MME: variants seen among roughly 807,000 people sequenced by gnomAD.
MME encodes membrane metalloendopeptidase, also known as neprilysin.
A neutral mutation model predicts 113.2 loss-of-function variants in MME; 98 were observed. That is an observed-to-expected ratio of 0.87 (90% CI 0.74 to 1.02). The LOEUF (loss-of-function observed/expected upper bound fraction) is 1.02. Ranked by LOEUF, MME falls within the 50% of genes least tolerant of loss-of-function variation. The probability of loss-of-function intolerance (pLI) is 0.00; values close to 1 mark genes in which losing one functional copy is unlikely to be tolerated. For synonymous variants in MME, 292 were observed against 300.6 expected (o/e 0.97, Z 0.30); for missense variants, 836 against 896.0 (o/e 0.93, Z 0.86).
chr3:155,032,113 A>T (rs541356494), intron 1 of MME, among the ~76,000 whole-genome samples: 3 of 152,184 alleles, frequency 2.0e-5, no homozygotes, highest in South Asian at 2.1e-4. Context: ...ATTATACATA[A>T]ATCTCACTGT....
chr3:155,123,834 C>G lies in MME; in HGVS notation c.720+5023C>G, dbSNP rs1255894455. Reference sequence around the variant, plus strand: ...CCTTTGAGGGTAACCCGACCTTTCTCTCTAGCTGCCCTTAACATTTTTTCC... The same window carrying G: ...CCTTTGAGGGTAACCCGACCTTTCTGTCTAGCTGCCCTTAACATTTTTTCC... On this transcript the variant is annotated intron_variant, in intron 8 of 22. Coordinates refer to ENST00000360490, the MANE Select transcript of MME (RefSeq NM_007289.4). Among the ~76,000 whole-genome samples, 228 of 77,612 alleles carry G rather than the reference C, an allele frequency of 2.9e-3. 21 individuals are homozygous for G. Among genetic ancestry groups the G allele is most frequent in the African/African-American group, 9.9e-3 (216 of 21,886 alleles). 50.9% of individuals were successfully genotyped at this position (77,612 alleles called of 152,430 possible). A position where few individuals can be genotyped will look rare whatever the true frequency, so the allele number is the denominator to read the frequency against.
At chr3:155,057,018 T>A (rs1713952929) in intron 1 of MME, among the ~76,000 whole-genome samples, 1 of 152,134 alleles carries the variant, frequency 6.6e-6, no homozygotes, top group South Asian at 2.1e-4. Context: ...GGCATTACCA[T>A]TCAGGACATA....
At chr3:155,179,800 C>T (rs1712901100) in intron 22 of MME, among the ~76,000 whole-genome samples, 1 of 152,136 alleles carries the variant, frequency 6.6e-6, no homozygotes. Context: ...GTTATTCAAG[C>T]TGAATCCAGC....
At chr3:155,137,385 G>A (rs1720713576) in intron 8 of MME, among the ~76,000 whole-genome samples, 1 of 152,142 alleles carries the variant, frequency 6.6e-6, no homozygotes, top group Non-Finnish European at 1.5e-5. Flanking sequence ...TTGAGAAAAT[G>A]ACTATGAAAA....
chr3:155,053,924 A>C (rs1407568793), intron 1 of MME, among the ~76,000 whole-genome samples: 1 of 152,190 alleles, frequency 6.6e-6, no homozygotes, highest in Non-Finnish European at 1.5e-5. Flanking sequence ...CAATTTTTGC[A>C]CTTGCTTCAA....
rs1246280068 is a variant in MME, at chr3:155,063,245, A to AT, written c.-10-20913_-10-20912insT. On this transcript the variant is annotated intron_variant, in intron 1 of 22. Coordinates refer to the MME transcript ENST00000492661. ...ATATGTATATTATTATATATTATAT[A>AT]ATAATATACATATAATGTATATTAT... 5.8e-4 allele frequency among the ~76,000 whole-genome samples: 68 copies of AT among 117,348 alleles called. 2 individuals are homozygous for AT. Among genetic ancestry groups the AT allele is most frequent in the East Asian group, 2.3e-3 (10 of 4,326 alleles). The allele number at this position is 117,348 out of a possible 152,430, so 77.0% of individuals were successfully genotyped here. A position where few individuals can be genotyped will look rare whatever the true frequency, so the allele number is the denominator to read the frequency against.
At chr3:155,108,118 A>T (rs1219441175) in intron 3 of MME, among the ~76,000 whole-genome samples, 1 of 152,208 alleles carries the variant, frequency 6.6e-6, no homozygotes, top group Non-Finnish European at 1.5e-5. Flanking sequence ...AGCCCACAGG[A>T]ACCTAACCTT....
Position 155,172,179 on chromosome 3 carries a change from T to A in MME, c.2043T>A (p.Asn681Lys). 1 of 1,611,578 alleles carries A rather than the reference T, an allele frequency of 6.2e-7. No homozygotes were observed. Among genetic ancestry groups the A allele is most frequent in the African/African-American group, 1.3e-5 (1 of 74,950 alleles). Residue 681 changes from asparagine to lysine, a missense_variant, in exon 21 of 23, where the codon AAT (asparagine) becomes AAA (lysine). Physicochemically the swap from Asn to Lys is moderately conservative, Grantham distance 94. Coordinates refer to ENST00000360490, the MANE Select transcript of MME (RefSeq NM_007289.4). ...EEKLLPGLDL[N>K]HKQLFFLNFA... ...AATTACTTCCTGGACTTGACCTAAA[T>A]CACAAACAACTATTTTTCTTGAACT...
intron 16 of MME, among the ~76,000 whole-genome samples, chr3:155,157,095 C>A (rs1213299733): frequency 6.6e-6 from 1 of 152,102 alleles, no homozygotes; most frequent in Non-Finnish European, 1.5e-5. Context: ...ATTCCCCACC[C>A]ACATTGTTAG....
chr3:155,136,154 A>G (rs551999788), intron 8 of MME, among the ~76,000 whole-genome samples: 1 of 152,162 alleles, frequency 6.6e-6, no homozygotes, highest in African/African-American at 2.4e-5. Context: ...TGATTGATTG[A>G]TCTAGGTAGG....
intron 1 of MME, among the ~76,000 whole-genome samples, chr3:155,057,732 C>A (rs547315600): frequency 6.9e-6 from 1 of 145,854 alleles, no homozygotes; most frequent in Non-Finnish European, 1.5e-5. Context: ...TTTGAGAGGG[C>A]AGGGAAGAGA....
chr3:155,042,488 CAT>C (rs781411151), intron 1 of MME, among the ~76,000 whole-genome samples: 24 of 152,242 alleles, frequency 1.6e-4, no homozygotes, highest in South Asian at 1.5e-3. Flanking sequence ...CATGTACACA[CAT>C]GTTTATACAT....
intron 3 of MME, chr3:155,089,882 C>T (rs777354428): frequency 2.2e-6 from 1 of 451,544 alleles, no homozygotes; most frequent in African/African-American, 2.0e-5. Context: ...ATTGCTTGAA[C>T]CCAGGAGGCA....
intron 1 of MME, chr3:155,083,936 A>G (rs981916688): frequency 4.0e-6 from 2 of 503,822 alleles, no homozygotes; most frequent in Non-Finnish European, 7.2e-6. Flanking sequence ...ACAAAACAAA[A>G]CAACAGCAAC....
rs1713291717 is a variant in MME, at chr3:155,183,506, C to G, written c.*3047C>G. 1 of 152,124 alleles carries G rather than the reference C, an allele frequency of 6.6e-6. No homozygotes were observed. The allele number at this position is 152,124 out of a possible 1,614,324, so 9.4% of individuals were successfully genotyped here. A position where few individuals can be genotyped will look rare whatever the true frequency, so the allele number is the denominator to read the frequency against. On this transcript the variant is annotated 3_prime_UTR_variant, in exon 23 of 23. Transcript: ENST00000360490. ...GGGTCTGTGCTGCTGTTACTGTTAA[C>G]CATTTAAGTGGGGCAAAACCTTGCT... is the stretch of plus-strand genomic sequence containing the variant.
rs147407591 is a variant in MME, at chr3:155,178,790, A to G, written c.2154-1570A>G. Among the ~76,000 whole-genome samples, 162 of 152,362 alleles carry G rather than the reference A, an allele frequency of 1.1e-3. 1 individual carries two copies. The highest frequency in any genetic ancestry group is 3.8e-3 in the African/African-American group (157 of 41,594). ...TAATACCTAATACAATGTAAATGCT[A>G]TGTAAATATTTGTTATACTGTATTC... On this transcript the variant is annotated intron_variant, in intron 22 of 22. Coordinates refer to ENST00000360490, the MANE Select transcript of MME (RefSeq NM_007289.4).
chr3:155,168,448 T>C (rs771873912), intron 18 of MME, 44 bp from the exon 19 acceptor site: 3 of 1,518,864 alleles, frequency 2.0e-6, no homozygotes, highest in South Asian at 1.1e-5. Flanking sequence ...CTTATAATTC[T>C]TGTTGCAATG....
intron 3 of MME, among the ~76,000 whole-genome samples, chr3:155,098,616 G>A (rs1480138917): frequency 1.3e-5 from 2 of 151,382 alleles, no homozygotes; most frequent in Non-Finnish European, 2.9e-5. Context: ...AACAGGTGTA[G>A]AGGGAATAAA....
intron 3 of MME, among the ~76,000 whole-genome samples, chr3:155,099,116 C>T (rs1716990575): frequency 6.6e-6 from 1 of 152,024 alleles, no homozygotes; most frequent in African/African-American, 2.4e-5. Context: ...GATATGCCAC[C>T]TGATGGGATT....
Sources: gnomAD v4.1 joint callset for allele counts (sites outside exome capture counted in the v4.1 genomes callset) on GRCh38, gnomAD v4.1.1 for gene constraint, MANE v1.5 for transcripts, NCBI Gene and HGNC (gene_info 2026-07-23, HGNC 2026-07-21) for gene names.